EP300: variants seen among roughly 807,000 people sequenced by gnomAD.
EP300 encodes the protein EP300 lysine acetyltransferase.
EP300 carries 31 observed loss-of-function variants against 264.0 expected under a neutral mutation model. The ratio of observed to expected loss-of-function variants is 0.12; its 90% CI spans 0.09 to 0.16. The LOEUF is 0.16. Among genes scored for constraint, EP300 ranks in the 10% least tolerant of loss-of-function variants. EP300 has a pLI of 1.00. For missense variants in EP300, 2,766 were observed against 3,052.9 expected (o/e 0.91, Z 2.21); for synonymous variants, 1,340 against 1,045.4 (o/e 1.28, Z -5.44).
chr22:41,172,020 T>TC (rs1569118225), intron 27 of EP300, among the ~76,000 whole-genome samples: 2 of 152,220 alleles, frequency 1.3e-5, no homozygotes, highest in Admixed American at 1.3e-4. Context: ...AAAGAAGTTT[T>TC]CCTAAGCAGC....
intron 6 of EP300, among the ~76,000 whole-genome samples, chr22:41,134,261 T>G (rs1322136935): frequency 6.6e-6 from 1 of 152,058 alleles, no homozygotes; most frequent in Non-Finnish European, 1.5e-5. Context: ...TAGATAAGTT[T>G]TCTTAGATAA....
chr22:41,159,385 C>G (rs1239989935), intron 19 of EP300: 2 of 152,170 alleles, frequency 1.3e-5, no homozygotes, highest in Non-Finnish European at 2.9e-5. Flanking sequence ...GCTTCTAATG[C>G]TTTGTAGACC....
At chr22:41,139,982 TTTTG>T (rs1003671104) in intron 8 of EP300, among the ~76,000 whole-genome samples, 154 bp from the exon 9 acceptor site, 6 of 152,356 alleles carry the variant, frequency 3.9e-5, no homozygotes, top group East Asian at 1.9e-4. Flanking sequence ...ACAAAAATTC[TTTTG>T]TTTATCACAA....
Position 41,127,706 on chromosome 22 carries a change from C to T in EP300, c.1126C>T (p.Leu376=). The T allele has an allele frequency of 6.2e-7, 1 of 1,614,220 alleles. No individual in the cohort carries two copies. The highest frequency in any genetic ancestry group is 8.5e-7 in the Non-Finnish European group (1 of 1,180,048). The stretch of plus-strand genomic sequence containing the variant: ...CCACTGTCGCACAATGAAGAATGTC[C>T]TAAACCACATGACACACTGCCAGTC... ...LPHCRTMKNV[L]NHMTHCQSGK... The change falls in exon 4 of 31, where the codon CTA becomes TTA. Residue 376 remains leucine, a synonymous_variant. Coordinates refer to ENST00000263253, the MANE Select transcript of EP300 (RefSeq NM_001429.4).
At chr22:41,154,318 A>G (rs1484649670) in intron 16 of EP300, among the ~76,000 whole-genome samples, 2 of 148,716 alleles carry the variant, frequency 1.3e-5, no homozygotes, top group African/African-American at 5.0e-5. Flanking sequence ...TCATGAAGAA[A>G]GACTTTTCTG....
intron 29 of EP300, chr22:41,174,956 CTTT>C (rs1318659587): frequency 6.6e-6 from 1 of 151,942 alleles, no homozygotes; most frequent in South Asian, 2.1e-4. Flanking sequence ...ATCACCACCC[CTTT>C]TTTGTTAGCC....
intron 5 of EP300, 37 bp downstream of exon 5, chr22:41,130,040 G>T: frequency 6.5e-7 from 1 of 1,531,038 alleles, no homozygotes; most frequent in Non-Finnish European, 9.0e-7. Flanking sequence ...TATATGAAAA[G>T]TTTTAAAGTC....
At position 41,112,294 on chromosome 22, in the gene EP300, G is replaced by A. The variant is rs151055807; in HGVS notation, c.95-4893G>A. Among the ~76,000 whole-genome samples, 131 of 151,270 alleles carry A rather than the reference G, an allele frequency of 8.7e-4. 3 individuals carry two copies. The South Asian group carries it at 0.02, about 24-fold the overall frequency. Reference sequence around the variant, plus strand: ...AACCTCTGCTCCCCTGGGTTCAAGCGATTCCTTGCTTCAGCCTCCCAAGTA... The same window carrying A: ...AACCTCTGCTCCCCTGGGTTCAAGCAATTCCTTGCTTCAGCCTCCCAAGTA... On this transcript the variant is annotated intron_variant, in intron 1 of 30. Coordinates refer to ENST00000263253, the MANE Select transcript of EP300 (RefSeq NM_001429.4).
chr22:41,130,033 A>G (rs778519367), intron 5 of EP300, 30 bp downstream of exon 5: 5 of 1,572,160 alleles, frequency 3.2e-6, no homozygotes, highest in South Asian at 1.1e-5. Context: ...GAAGGTTTAT[A>G]TGAAAAGTTT....
intron 6 of EP300, among the ~76,000 whole-genome samples, chr22:41,134,188 T>G (rs1017658645): frequency 1.5e-4 from 22 of 150,216 alleles, no homozygotes; most frequent in African/African-American, 4.9e-4. Context: ...TTTTCTGATT[T>G]CATTCTTGAA....
chr22:41,172,917 A>G (rs1001142055), intron 28 of EP300, among the ~76,000 whole-genome samples: 1 of 152,254 alleles, frequency 6.6e-6, no homozygotes, highest in Non-Finnish European at 1.5e-5. Context: ...ACTGAAGGAA[A>G]TCCTGAAAAA....
intron 1 of EP300, among the ~76,000 whole-genome samples, chr22:41,111,600 T>G (rs2058790858): frequency 6.6e-6 from 1 of 152,080 alleles, no homozygotes; most frequent in Non-Finnish European, 1.5e-5. Flanking sequence ...TAGAGTGCAA[T>G]GGCACTATCT....
In EP300 at chr22:41,178,967, T is replaced by C; in HGVS notation, c.*11T>C. On this transcript the variant is annotated 3_prime_UTR_variant, in exon 31 of 31. Transcript: ENST00000263253. Reference sequence around the variant, plus strand: ...CTAGACATACACTAGAGACACCTTGTAGTATTTTGGGAGCAAAAAAATTAT... The same window carrying C: ...CTAGACATACACTAGAGACACCTTGCAGTATTTTGGGAGCAAAAAAATTAT... 2 of 851,018 alleles carry C rather than the reference T, an allele frequency of 2.4e-6. No homozygotes were observed. The highest frequency in any genetic ancestry group is 3.2e-6 in the Non-Finnish European group (2 of 621,996). The allele number at this position is 851,018 out of a possible 1,614,324, so 52.7% of individuals were successfully genotyped here.
chr22:41,148,001 C>A (rs2145734555), intron 12 of EP300, 55 bp downstream of exon 12: 1 of 1,172,524 alleles, frequency 8.5e-7, no homozygotes, highest in South Asian at 1.4e-5. Flanking sequence ...TTTTGAAAAT[C>A]CTGTTTGTTC....
chr22:41,167,614 AT>A (rs2059145263), intron 23 of EP300, among the ~76,000 whole-genome samples: 6 of 91,858 alleles, frequency 6.5e-5, no homozygotes, highest in Admixed American at 4.5e-4. Flanking sequence ...ATATATATAT[AT>A]ATATATATAT....
chr22:41,108,213 T>G (rs1409502165), intron 1 of EP300: 1 of 152,014 alleles, frequency 6.6e-6, no homozygotes, highest in Non-Finnish European at 1.5e-5. Flanking sequence ...GGGTAAACCA[T>G]GTATTAGGCT....
chr22:41,094,477 C>A (rs981125252), intron 1 of EP300, among the ~76,000 whole-genome samples: 1 of 152,166 alleles, frequency 6.6e-6, no homozygotes, highest in Non-Finnish European at 1.5e-5. Context: ...AGGAATCTTG[C>A]GAGTTCCTCT....
chr22:41,099,338 T>G (rs1205652334), intron 1 of EP300, among the ~76,000 whole-genome samples: 1 of 152,180 alleles, frequency 6.6e-6, no homozygotes, highest in Non-Finnish European at 1.5e-5. Flanking sequence ...CGGCCTGTTT[T>G]TGTTTTTCGT....
rs2145732363 is a variant in EP300 at position 41,146,773 on chromosome 22, C to T, written c.2088C>T (p.Gly696=). The T allele has an allele frequency of 6.2e-7, 1 of 1,614,150 alleles. No individual in the cohort carries two copies. The highest frequency in any genetic ancestry group is 8.5e-7 in the Non-Finnish European group (1 of 1,180,018). The change falls in exon 11 of 31, where the codon GGC becomes GGT. Residue 696 remains glycine, a synonymous_variant. Transcript: ENST00000263253. ...GPLPDPSMIR[G]SVPNQMMPRI... is the part of the protein sequence containing the mutation. ...TACCTGACCCAAGTATGATCCGTGG[C>T]AGTGTGCCAAACCAGATGATGCCTC...
Sources: allele counts gnomAD v4.1 joint callset (sites outside exome capture counted in the v4.1 genomes callset), GRCh38; gene constraint gnomAD v4.1.1; transcripts MANE v1.5; gene names NCBI Gene and HGNC (gene_info 2026-07-23, HGNC 2026-07-21).